The following ABCB4 variants were observed in gnomAD, a reference collection of about 807,000 sequenced individuals.
ABCB4 encodes ATP binding cassette subfamily B member 4.
Under a neutral mutation model 145.7 loss-of-function variants are expected in ABCB4, and 76 were observed. The observed-to-expected ratio is 0.52, with a 90% confidence interval of 0.43 to 0.63. The LOEUF is 0.63. Ranked by LOEUF, ABCB4 falls within the 30% of genes least tolerant of loss-of-function variation. The pLI, the probability that ABCB4 is intolerant of heterozygous loss-of-function variation, is 0.00. For synonymous variants in ABCB4, 517 were observed against 566.8 expected (o/e 0.91, Z 1.25); for missense variants, 1,234 against 1,553.1 (o/e 0.79, Z 3.45).
chr7:87,368,268 T>G, the ABCB4 span, among the ~76,000 whole-genome samples: 3 of 152,232 alleles, frequency 2.0e-5, no homozygotes, highest in Non-Finnish European at 4.4e-5. Context: ...GGTAGCACCC[T>G]TCTGCCACCC....
chr7:87,457,430 G>C (rs140398961), intron 4 of ABCB4, among the ~76,000 whole-genome samples: 31 of 152,262 alleles, frequency 2.0e-4, no homozygotes, highest in African/African-American at 7.5e-4. Flanking sequence ...AAGTACCCTG[G>C]TTGATTCTAA....
At position 87,443,555 on chromosome 7, in the gene ABCB4, C is replaced by A. The variant is rs1294212784; in HGVS notation, c.1230+108G>T. On this transcript the variant is annotated intron_variant, in intron 11 of 27. Transcript: ENST00000649586. Reference sequence around the variant, plus strand: ...AAAGTATCAAATAAGGGAATATAACCCCCAAAGGAAAAGGCACATAAGTAT... The same window carrying A: ...AAAGTATCAAATAAGGGAATATAACACCCAAAGGAAAAGGCACATAAGTAT... The A allele has an allele frequency of 1.9e-6, 3 of 1,542,008 alleles. No homozygotes were observed. The East Asian group carries it at 6.9e-5, about 35-fold the overall frequency.
the ABCB4 span, among the ~76,000 whole-genome samples, chr7:87,367,880 T>G: frequency 6.6e-6 from 1 of 152,208 alleles, no homozygotes; most frequent in Non-Finnish European, 1.5e-5. Flanking sequence ...CTGGACAACT[T>G]TAGTCACCTC....
At chr7:87,445,948 A>G (rs45514496) in intron 9 of ABCB4, among the ~76,000 whole-genome samples, 73 of 152,312 alleles carry the variant, frequency 4.8e-4, no homozygotes, top group Middle Eastern at 3.4e-3. Context: ...AATTAAGGCC[A>G]TAGAGGACAA....
intron 3 of ABCB4, among the ~76,000 whole-genome samples, chr7:87,470,830 A>G (rs1813335417): frequency 6.6e-6 from 1 of 152,218 alleles, no homozygotes; most frequent in South Asian, 2.1e-4. Flanking sequence ...AGGATCTAGA[A>G]CTAGAAATAT....
At chr7:87,448,081 A>C in intron 8 of ABCB4, among the ~76,000 whole-genome samples, 1 of 152,206 alleles carries the variant, frequency 6.6e-6, no homozygotes, top group African/African-American at 2.4e-5. Context: ...ATTTGATATA[A>C]AGTTTAAAAT....
chr7:87,472,726 A>G (rs746429572), intron 2 of ABCB4, 51 bp from the exon 3 acceptor site: 1 of 1,259,394 alleles, frequency 7.9e-7, no homozygotes, highest in South Asian at 1.2e-5. Flanking sequence ...AATGTTTTAC[A>G]ATCAATTGAA....
rs751525422 is a variant in ABCB4, at chr7:87,413,671, G to T, written c.2729C>A (p.Thr910Asn). The change falls in exon 22 of 28, where the codon ACC (threonine) becomes AAC (asparagine). Residue 910 changes from threonine (T) to asparagine (N), a missense_variant. By Grantham distance (65) the Thr-to-Asn change is moderately conservative (BLOSUM62 0). Transcript: ENST00000649586. ...CATTGATTCAAATTTTCTTTCCTGGGTCAAAGACACAACTGTCCTAATATT... is the reference window on the plus strand; with the variant it reads ...CATTGATTCAAATTTTCTTTCCTGGTTCAAAGACACAACTGTCCTAATATT... The part of the protein sequence containing the change: ...IENIRTVVSL[T>N]QERKFESMYV... 2 of 1,612,680 alleles carry T rather than the reference G, an allele frequency of 1.2e-6. No individual in the cohort carries two copies. Among genetic ancestry groups the T allele is most frequent in the Non-Finnish European group, 1.7e-6 (2 of 1,179,356 alleles).
At chr7:87,375,955 T>C in the ABCB4 span, 1 of 1,545,876 alleles carries the variant, frequency 6.5e-7, no homozygotes, top group Non-Finnish European at 8.7e-7. Flanking sequence ...TATTCTGAGG[T>C]ACTTAACTAC....
At chr7:87,442,606 G>A (rs977426045) in intron 12 of ABCB4, among the ~76,000 whole-genome samples, 1 of 151,654 alleles carries the variant, frequency 6.6e-6, no homozygotes, top group Admixed American at 6.6e-5. Flanking sequence ...AATGTATTCT[G>A]AAGTATAAGG....
At chr7:87,470,561 A>G (rs1419897608) in intron 3 of ABCB4, among the ~76,000 whole-genome samples, 1 of 152,244 alleles carries the variant, frequency 6.6e-6, no homozygotes, top group African/African-American at 2.4e-5. Flanking sequence ...GGTGAAGGAT[A>G]TGAACAGACA....
chr7:87,393,148 T>A, the ABCB4 span: 1 of 1,427,610 alleles, frequency 7.0e-7, no homozygotes, highest in Admixed American at 2.2e-5. Flanking sequence ...TTTCCTACAC[T>A]GTGATTCTTA....
At chr7:87,378,836 C>T in the ABCB4 span, among the ~76,000 whole-genome samples, 7 of 151,974 alleles carry the variant, frequency 4.6e-5, no homozygotes, top group Non-Finnish European at 8.8e-5. Context: ...TGCTTGGTTG[C>T]CTAAAGAACA....
upstream of ABCB4, chr7:87,475,765 G>A (rs973211556): frequency 3.2e-5 from 9 of 283,086 alleles, no homozygotes; most frequent in African/African-American, 4.9e-5. Flanking sequence ...CCCGGGAAAC[G>A]CCTACCGTTG....
chr7:87,470,347 A>G (rs532056175), intron 3 of ABCB4, among the ~76,000 whole-genome samples: 8 of 152,382 alleles, frequency 5.2e-5, no homozygotes, highest in African/African-American at 1.9e-4. Context: ...AGCAAAGGCA[A>G]CAAAAGCCAA....
chr7:87,467,666 G>A (rs982763634), intron 3 of ABCB4, among the ~76,000 whole-genome samples: 25 of 152,186 alleles, frequency 1.6e-4, no homozygotes, highest in Non-Finnish European at 3.4e-4. Context: ...CTCAGCAAAT[G>A]TAAAAGAACA....
rs1395045331 is a variant in ABCB4, at chr7:87,420,030, G to T, written c.2362C>A (p.Arg788=). ...KAGEILTRRL[R]SMAFKAMLRQ... is the part of the protein sequence containing the mutation. ...AGCATTGCTTTAAAAGCCATTGACC[G>T]CAGTCTTCTGGTGAGGATCTCGCCA... Residue 788 remains arginine (R), a synonymous_variant, in exon 19 of 28, where the codon CGG becomes AGG. Coordinates refer to ENST00000649586, the MANE Select transcript of ABCB4 (RefSeq NM_000443.4). 2.5e-6 allele frequency: 4 copies of T among 1,614,090 alleles called. No homozygotes were observed. The highest frequency in any genetic ancestry group is 3.4e-6 in the Non-Finnish European group (4 of 1,179,964).
At chr7:87,447,399 C>G (rs904979590) in intron 8 of ABCB4, among the ~76,000 whole-genome samples, 194 bp from the exon 9 acceptor site, 1 of 152,228 alleles carries the variant, frequency 6.6e-6, no homozygotes, top group Admixed American at 6.5e-5. Context: ...CAAGCCTTCT[C>G]TTTACTGGCC....
At chr7:87,372,007 C>CAAAAAAAAA in the ABCB4 span, among the ~76,000 whole-genome samples, 1 of 124,000 alleles carries the variant, frequency 8.1e-6, no homozygotes, top group Non-Finnish European at 1.7e-5. Context: ...AAAAAAAAAA[C>CAAAAAAAAA]AAAAAAAAAA....
Sources: allele counts gnomAD v4.1 joint callset (sites outside exome capture counted in the v4.1 genomes callset), GRCh38; gene constraint gnomAD v4.1.1; transcripts MANE v1.5; gene names NCBI Gene and HGNC (gene_info 2026-07-23, HGNC 2026-07-21).